The following ADAMTS17 variants were observed in gnomAD, a reference collection of about 807,000 sequenced individuals.
ADAMTS17 encodes the protein A disintegrin and metalloproteinase with thrombospondin motifs 17.
ADAMTS17 carries 113 observed loss-of-function variants against 141.5 expected under a neutral mutation model. The observed-to-expected ratio is 0.80, with a 90% confidence interval of 0.69 to 0.93. The LOEUF is 0.93. Ranked by LOEUF, ADAMTS17 falls within the 40% of genes least tolerant of loss-of-function variation. The probability of loss-of-function intolerance (pLI) is 0.00; values close to 1 mark genes in which losing one functional copy is unlikely to be tolerated. For synonymous variants in ADAMTS17, 768 were observed against 630.6 expected (o/e 1.22, Z -3.27); for missense variants, 1,659 against 1,517.9 (o/e 1.09, Z -1.54).
chr15:100,253,441 GGGGGAGGGGAAGGTAGA>G (rs1567434011), intron 7 of ADAMTS17, among the ~76,000 whole-genome samples: 3 of 19,944 alleles, frequency 1.5e-4, no homozygotes, highest in Admixed American at 3.6e-4. Context: ...GGAAGGTAGA[GGGGGAGGGGAAGGTAGA>G]GGGGGAGGGG....
At chr15:100,006,321 A>G (rs74036681) in intron 18 of ADAMTS17, among the ~76,000 whole-genome samples, 8 of 152,120 alleles carry the variant, frequency 5.3e-5, no homozygotes, top group Non-Finnish European at 1.2e-4. Context: ...TGCCAACCAC[A>G]CACTCACTGC....
chr15:100,254,149 C>T lies in ADAMTS17; in HGVS notation c.1062G>A (p.Pro354=), dbSNP rs145206425. The T allele has an allele frequency of 8.6e-4, 1,385 of 1,613,368 alleles. 2 individuals carry two copies. Among genetic ancestry groups the T allele is most frequent in the Non-Finnish European group, 9.4e-4 (1,111 of 1,179,354 alleles). The change falls in exon 7 of 22, where the codon CCG becomes CCA. Residue 354 remains proline (P), a synonymous_variant. Transcript: ENST00000268070. The stretch of plus-strand genomic sequence containing the variant: ...CTCTAAACTTACCAACAGTGTCACA[C>T]GGTTCATCCTTGTGTACACAGAAAT... ...RTDFCVHKDE[P]CDTVGIAYLG... is the part of the protein sequence containing the mutation.
intron 18 of ADAMTS17, among the ~76,000 whole-genome samples, chr15:100,030,504 T>C (rs2170282): frequency 0.11 from 16,857 of 152,158 alleles, 2,488 homozygotes; most frequent in African/African-American, 0.34. Flanking sequence ...CACCTGGGCA[T>C]GGCACATCTG....
At chr15:100,045,780 C>T (rs902131022) in intron 18 of ADAMTS17, among the ~76,000 whole-genome samples, 2 of 152,180 alleles carry the variant, frequency 1.3e-5, no homozygotes, top group Non-Finnish European at 2.9e-5. Context: ...CTAGGGCCTT[C>T]CTTTGGTTGA....
intron 8 of ADAMTS17, 34 bp from the exon 9 acceptor site, chr15:100,155,354 C>T (rs544449894): frequency 2.5e-6 from 4 of 1,602,284 alleles, no homozygotes; most frequent in East Asian, 2.2e-5. Context: ...GATGCTTATG[C>T]TACAAGCTTC....
At chr15:100,237,758 G>T (rs2042704370) in intron 7 of ADAMTS17, among the ~76,000 whole-genome samples, 1 of 152,196 alleles carries the variant, frequency 6.6e-6, no homozygotes, top group Non-Finnish European at 1.5e-5. Context: ...CAAGTAGCTG[G>T]AATTATAGGC....
At position 100,266,264 on chromosome 15, in the gene ADAMTS17, C is replaced by A. The variant is rs185467494; in HGVS notation, c.790-3829G>T. 2.8e-3 allele frequency among the ~76,000 whole-genome samples: 419 copies of A among 152,316 alleles called. 6 individuals carry two copies. The highest frequency in any genetic ancestry group is 9.8e-3 in the African/African-American group (406 of 41,566). ...TTAAAATATTCCTGCTCCCGTGTCA[C>A]CGCCACCCCAACCAAAGGAGAATCA... On this transcript the variant is annotated intron_variant, in intron 4 of 21. Coordinates refer to ENST00000268070, the MANE Select transcript of ADAMTS17 (RefSeq NM_139057.4).
chr15:100,092,802 C>T (rs1257168846), intron 15 of ADAMTS17, among the ~76,000 whole-genome samples: 1 of 152,214 alleles, frequency 6.6e-6, no homozygotes, highest in Non-Finnish European at 1.5e-5. Flanking sequence ...GGATCCGAAG[C>T]CCACAGGTAT....
intron 15 of ADAMTS17, among the ~76,000 whole-genome samples, chr15:100,057,149 C>T (rs918018246): frequency 6.6e-6 from 1 of 152,032 alleles, no homozygotes; most frequent in Non-Finnish European, 1.5e-5. Flanking sequence ...GAGGAAGGCA[C>T]AGCACCCCAT....
At chr15:100,145,281 T>TGTTCTCAATTCCTACATATGAATGGG (rs1231858559) in intron 10 of ADAMTS17, among the ~76,000 whole-genome samples, 2 of 152,254 alleles carry the variant, frequency 1.3e-5, no homozygotes, top group Non-Finnish European at 1.5e-5. Context: ...ACATGAATGG[T>TGTTCTCAATTCCTACATATGAATGGG]GTTCTCAATT....
intron 3 of ADAMTS17, among the ~76,000 whole-genome samples, chr15:100,293,728 GA>G (rs2044719681): frequency 1.3e-5 from 2 of 152,172 alleles, no homozygotes; most frequent in African/African-American, 4.8e-5. Context: ...TTGCCTTCTT[GA>G]CTAGACTACG....
In ADAMTS17 at chr15:100,341,231, C is replaced by G; in HGVS notation, c.258G>C (p.Pro86=). 1 of 1,430,366 alleles carries G rather than the reference C, an allele frequency of 7.0e-7. No individual in the cohort carries two copies. Among genetic ancestry groups the G allele is most frequent in the Non-Finnish European group, 9.2e-7 (1 of 1,091,860 alleles). The allele number at this position is 1,430,366 out of a possible 1,614,324, so 88.6% of individuals were successfully genotyped here. A position where few individuals can be genotyped will look rare whatever the true frequency, so the allele number is the denominator to read the frequency against. Reference sequence around the variant, plus strand: ...GAAGGTACAGGTCGCGCCCGAAGGCCGGCAGGTGCAGCAGCAGGGCGCGCT... The same window carrying G: ...GAAGGTACAGGTCGCGCCCGAAGGCGGGCAGGTGCAGCAGCAGGGCGCGCT... ...PGERALLLHL[P]AFGRDLYLQL... is the part of the protein sequence containing the mutation. The change falls in exon 2 of 22, where the codon CCG becomes CCC. Residue 86 remains proline (P), a synonymous_variant. Transcript: ENST00000268070.
chr15:100,214,907 C>T (rs1447552985), intron 7 of ADAMTS17, among the ~76,000 whole-genome samples: 1 of 152,384 alleles, frequency 6.6e-6, no homozygotes, highest in East Asian at 1.9e-4. Flanking sequence ...TGTCCCGTGA[C>T]AAGTTCATTA....
intron 18 of ADAMTS17, among the ~76,000 whole-genome samples, chr15:100,041,570 G>C (rs116125292): frequency 0.016 from 2,463 of 152,336 alleles, 63 homozygotes; most frequent in African/African-American, 0.053. Flanking sequence ...ACTGTGGTTA[G>C]CAAGGTGAAG....
chr15:100,126,836 G>A (rs1350063707), intron 12 of ADAMTS17, among the ~76,000 whole-genome samples: 3 of 152,196 alleles, frequency 2.0e-5, no homozygotes, highest in Admixed American at 6.5e-5. Flanking sequence ...GGCCTGTCCC[G>A]GGCCTGCACA....
At chr15:100,339,528 C>A (rs2046301168) in intron 2 of ADAMTS17, among the ~76,000 whole-genome samples, 1 of 152,072 alleles carries the variant, frequency 6.6e-6, no homozygotes, top group Non-Finnish European at 1.5e-5. Flanking sequence ...GTGATCTGAG[C>A]CTTTCTCACT....
rs766989655 is a variant in ADAMTS17, at chr15:99,997,637, G to C, written c.2592-48C>G. The C allele has an allele frequency of 3.1e-6, 5 of 1,609,136 alleles. No homozygotes were observed. The South Asian group carries it at 4.4e-5, about 14-fold the overall frequency. ...GAGAGAACGACTGGGTGAGAGGCCAGCCTCTCCGGAGGGCCTTCCGGCCGG... is the reference window on the plus strand; with the variant it reads ...GAGAGAACGACTGGGTGAGAGGCCACCCTCTCCGGAGGGCCTTCCGGCCGG... On this transcript the variant is annotated intron_variant, in intron 18 of 21. Coordinates refer to ENST00000268070, the MANE Select transcript of ADAMTS17 (RefSeq NM_139057.4). The surrounding 1 kb of genome is among the most constrained non-coding windows in gnomAD (Gnocchi z 4.7).
chr15:100,124,662 G>A (rs1035179965), intron 12 of ADAMTS17, among the ~76,000 whole-genome samples: 2 of 152,218 alleles, frequency 1.3e-5, no homozygotes, highest in Admixed American at 6.5e-5. Context: ...ATGCTCGACC[G>A]TGATGAGCAA....
chr15:100,202,170 C>T (rs924624499), intron 7 of ADAMTS17, among the ~76,000 whole-genome samples: 2 of 152,238 alleles, frequency 1.3e-5, no homozygotes, highest in African/African-American at 4.8e-5. Flanking sequence ...CACATCCCCC[C>T]TGGCCTCAGC....
Sources: allele counts gnomAD v4.1 joint callset (sites outside exome capture counted in the v4.1 genomes callset), GRCh38; gene constraint gnomAD v4.1.1; non-coding constraint Gnocchi (gnomAD v3.1); transcripts MANE v1.5; gene names NCBI Gene and HGNC (gene_info 2026-07-23, HGNC 2026-07-21).